Variants in TYR observed in about 807,000 individuals in gnomAD.
TYR encodes LB24-AB.
TYR carries 58 observed loss-of-function variants against 51.5 expected under a neutral mutation model. That is an observed-to-expected ratio of 1.13 (90% confidence interval 0.91 to 1.40). The LOEUF is 1.40. Ranked by LOEUF, TYR falls within the 40% of genes most tolerant of loss-of-function variation. The probability of loss-of-function intolerance (pLI) is 0.00; values close to 1 mark genes in which losing one functional copy is unlikely to be tolerated. For synonymous variants in TYR, 263 were observed against 235.2 expected (o/e 1.12, Z -1.08); for missense variants, 732 against 647.4 (o/e 1.13, Z -1.42).
At chr11:89,289,308 C>T (rs1359343207) in intron 4 of TYR, among the ~76,000 whole-genome samples, 1 of 152,034 alleles carries the variant, frequency 6.6e-6, no homozygotes, top group Non-Finnish European at 1.5e-5. Flanking sequence ...TTTGATGACA[C>T]TTCTATCATT....
intron 1 of TYR, among the ~76,000 whole-genome samples, chr11:89,179,098 A>G (rs879423747): frequency 6.6e-6 from 1 of 152,228 alleles, no homozygotes; most frequent in Non-Finnish European, 1.5e-5. Flanking sequence ...AATTGAATAA[A>G]TGAGTGAATG....
chr11:89,282,868 G>T (rs1944735577), intron 3 of TYR, among the ~76,000 whole-genome samples: 1 of 151,730 alleles, frequency 6.6e-6, no homozygotes, highest in African/African-American at 2.4e-5. Flanking sequence ...TTCCAGTATA[G>T]TCATAATACT....
chr11:89,201,228 A>T (rs927618412), intron 2 of TYR, among the ~76,000 whole-genome samples: 1 of 97,918 alleles, frequency 1.0e-5, no homozygotes, highest in African/African-American at 8.0e-5. Flanking sequence ...GGCAAAAAAG[A>T]AAAAAAATAC....
At chr11:89,223,877 C>G (rs994928965) in intron 2 of TYR, among the ~76,000 whole-genome samples, 1 of 150,950 alleles carries the variant, frequency 6.6e-6, no homozygotes, top group Admixed American at 6.6e-5. Context: ...ACAATGTATT[C>G]CGACAAATTC....
In TYR at chr11:89,295,530, C is replaced by T; in HGVS notation, c.*164C>T. On this transcript the variant is annotated 3_prime_UTR_variant, in exon 5 of 5. Coordinates refer to ENST00000263321, the MANE Select transcript of TYR (RefSeq NM_000372.5). ...CTTCTTCCAACTCAGGTAGAACACA[C>T]CTGTCTTTGTCTTGCTGTTTTCACT... The T allele has an allele frequency of 1.2e-6, 1 of 852,408 alleles. No individual in the cohort carries two copies. The highest frequency in any genetic ancestry group is 1.9e-6 in the Non-Finnish European group (1 of 539,420). 52.8% of individuals were successfully genotyped at this position (852,408 alleles called of 1,614,324 possible).
intron 3 of TYR, among the ~76,000 whole-genome samples, chr11:89,244,858 CCAA>C (rs1194583192): frequency 6.6e-6 from 1 of 152,152 alleles, no homozygotes; most frequent in Non-Finnish European, 1.5e-5. Flanking sequence ...CTATTATTCT[CCAA>C]CTAGTTTCCT....
intron 3 of TYR, among the ~76,000 whole-genome samples, chr11:89,236,881 C>T (rs1799610636): frequency 6.6e-6 from 1 of 152,116 alleles, no homozygotes; most frequent in African/African-American, 2.4e-5. Context: ...ATAAACTATG[C>T]CCAGGTCATG....
At chr11:89,209,713 G>A (rs369594035) in intron 2 of TYR, among the ~76,000 whole-genome samples, 2 of 152,048 alleles carry the variant, frequency 1.3e-5, no homozygotes, top group South Asian at 2.1e-4. Flanking sequence ...AGTAGAGGCC[G>A]ACAGCTGCCT....
intron 2 of TYR, among the ~76,000 whole-genome samples, chr11:89,203,412 G>A (rs1410658493): frequency 6.6e-6 from 1 of 152,156 alleles, no homozygotes; most frequent in African/African-American, 2.4e-5. Context: ...GCTCAGAGTA[G>A]GTATCTAAAA....
chr11:89,219,732 G>A (rs1943883590), intron 2 of TYR, among the ~76,000 whole-genome samples: 1 of 152,096 alleles, frequency 6.6e-6, no homozygotes, highest in Admixed American at 6.6e-5. Context: ...ATATCTTGGT[G>A]ACACTACCAA....
At chr11:89,255,322 T>G (rs1289139508) in intron 3 of TYR, among the ~76,000 whole-genome samples, 14 of 151,768 alleles carry the variant, frequency 9.2e-5, no homozygotes, top group Admixed American at 8.6e-4. Context: ...AAGTATCTCT[T>G]AAGCCCATTT....
At chr11:89,244,636 G>A (rs1944240760) in intron 3 of TYR, among the ~76,000 whole-genome samples, 1 of 152,116 alleles carries the variant, frequency 6.6e-6, no homozygotes, top group Non-Finnish European at 1.5e-5. Context: ...GTGCTAGATG[G>A]TGCACCTTCG....
intron 3 of TYR, among the ~76,000 whole-genome samples, chr11:89,259,747 A>C (rs779544984): frequency 6.6e-5 from 10 of 152,112 alleles, no homozygotes; most frequent in African/African-American, 2.4e-4. Context: ...CCAAGCTGGC[A>C]TTCTACCAAC....
chr11:89,288,308 T>A (rs992712846), intron 4 of TYR, among the ~76,000 whole-genome samples: 1 of 151,998 alleles, frequency 6.6e-6, no homozygotes, highest in Admixed American at 6.6e-5. Flanking sequence ...AATTTTAAAC[T>A]ACAAAGCTAG....
intron 3 of TYR, among the ~76,000 whole-genome samples, chr11:89,255,579 G>T (rs1944380773): frequency 6.6e-6 from 1 of 151,658 alleles, no homozygotes; most frequent in African/African-American, 2.4e-5. Flanking sequence ...AACTCAATTG[G>T]TTTAATAAAT....
At chr11:89,281,284 C>T (rs769476667) in intron 3 of TYR, among the ~76,000 whole-genome samples, 2 of 151,790 alleles carry the variant, frequency 1.3e-5, no homozygotes, top group African/African-American at 2.4e-5. Flanking sequence ...TGGGATAAGG[C>T]TCTAACAATT....
intron 2 of TYR, among the ~76,000 whole-genome samples, chr11:89,213,719 G>C (rs1166918635): frequency 6.6e-6 from 1 of 152,142 alleles, no homozygotes; most frequent in Non-Finnish European, 1.5e-5. Flanking sequence ...AACCAAAACA[G>C]CATGACACTG....
chr11:89,220,502 T>C (rs1264193555), intron 2 of TYR, among the ~76,000 whole-genome samples: 4 of 152,182 alleles, frequency 2.6e-5, no homozygotes, highest in African/African-American at 4.8e-5. Context: ...ATCCAAACTA[T>C]ATCATTACTG....
At chr11:89,260,997 C>T (rs569219074) in intron 3 of TYR, among the ~76,000 whole-genome samples, 73 of 152,156 alleles carry the variant, frequency 4.8e-4, no homozygotes, top group South Asian at 3.1e-3. Context: ...GAATCTAACG[C>T]CTGATGATCT....
Sources: allele counts gnomAD v4.1 joint callset (sites outside exome capture counted in the v4.1 genomes callset), GRCh38; gene constraint gnomAD v4.1.1; transcripts MANE v1.5; gene names NCBI Gene and HGNC (gene_info 2026-07-23, HGNC 2026-07-21).